RCAN2: variants seen among roughly 807,000 people sequenced by gnomAD.
RCAN2 encodes the protein regulator of calcineurin 2, also known as calcipressin-2.
In RCAN2, 9 loss-of-function variants were observed where a neutral mutation model predicts 23.6. That is an observed-to-expected ratio of 0.38 (90% CI 0.23 to 0.67). The LOEUF is 0.67. RCAN2 is among the 30% of genes least tolerant of loss of function. RCAN2 has a pLI of 0.51. For synonymous variants in RCAN2, 109 were observed against 115.7 expected, an observed-to-expected ratio of 0.94 and a Z score of 0.37; for missense variants, 273 against 302.3, an observed-to-expected ratio of 0.90 and a Z score of 0.72.
intron 2 of RCAN2, among the ~76,000 whole-genome samples, chr6:46,315,908 AAGAGACAAGAAAAGAGGTT>A (rs1763419535): frequency 2.0e-4 from 2 of 10,042 alleles, no homozygotes; most frequent in African/African-American, 4.6e-4. Context: ...AAGAGTTTGG[AAGAGACAAGAAAAGAGGTT>A]TGGAAGAGAC....
chr6:46,454,058 C>A (rs749730718), intron 2 of RCAN2, among the ~76,000 whole-genome samples: 32 of 152,126 alleles, frequency 2.1e-4, no homozygotes, highest in African/African-American at 3.4e-4. Context: ...TAGGCCAATA[C>A]AAGGAGTGCT....
At chr6:46,365,083 C>A (rs1452083608) in intron 2 of RCAN2, among the ~76,000 whole-genome samples, 1 of 152,102 alleles carries the variant, frequency 6.6e-6, no homozygotes, top group Non-Finnish European at 1.5e-5. Context: ...TCCCTCTGCC[C>A]AGCTTATTTT....
At chr6:46,289,963 T>C (rs1006742578) in intron 2 of RCAN2, among the ~76,000 whole-genome samples, 9 of 152,310 alleles carry the variant, frequency 5.9e-5, no homozygotes, top group African/African-American at 1.9e-4. Flanking sequence ...CTCTACTTCA[T>C]GTTTTTCATT....
intron 2 of RCAN2, among the ~76,000 whole-genome samples, chr6:46,312,779 C>T (rs1763305302): frequency 6.6e-6 from 1 of 152,190 alleles, no homozygotes; most frequent in African/African-American, 2.4e-5. Flanking sequence ...TTCACAAGCC[C>T]TCATCGGGTC....
intron 2 of RCAN2, among the ~76,000 whole-genome samples, chr6:46,376,413 G>T (rs555951186): frequency 6.6e-6 from 1 of 152,348 alleles, no homozygotes; most frequent in South Asian, 2.1e-4. Flanking sequence ...TGGGCTCTGT[G>T]GCTCACGCCT....
At chr6:46,301,582 G>A (rs1762904588) in intron 2 of RCAN2, among the ~76,000 whole-genome samples, 2 of 152,074 alleles carry the variant, frequency 1.3e-5, no homozygotes, top group South Asian at 4.1e-4. Context: ...GTTCCTTGTA[G>A]GCTTACACTC....
At chr6:46,311,866 C>T (rs1243112213) in intron 2 of RCAN2, among the ~76,000 whole-genome samples, 2 of 152,136 alleles carry the variant, frequency 1.3e-5, no homozygotes, top group African/African-American at 4.8e-5. Flanking sequence ...CCACCTTCCT[C>T]TTCTGTTTAT....
intron 2 of RCAN2, among the ~76,000 whole-genome samples, chr6:46,449,959 T>G (rs1767827806): frequency 1.3e-5 from 2 of 151,660 alleles, no homozygotes; most frequent in South Asian, 4.1e-4. Context: ...AAAGCAAAAA[T>G]AAATGGGATT....
chr6:46,319,604 T>A (rs1763545841), intron 2 of RCAN2, among the ~76,000 whole-genome samples: 1 of 152,224 alleles, frequency 6.6e-6, no homozygotes, highest in Non-Finnish European at 1.5e-5. Flanking sequence ...CCTCTGAACC[T>A]TCTCAGGGAG....
intron 2 of RCAN2, among the ~76,000 whole-genome samples, chr6:46,361,722 T>G (rs1173315870): frequency 6.6e-6 from 1 of 152,178 alleles, no homozygotes; most frequent in African/African-American, 2.4e-5. Context: ...AGTTTGAATT[T>G]TCTTGACCTC....
At chr6:46,410,025 C>A (rs1213297047) in intron 2 of RCAN2, among the ~76,000 whole-genome samples, 2 of 152,164 alleles carry the variant, frequency 1.3e-5, no homozygotes, top group African/African-American at 2.4e-5. Flanking sequence ...CTCTCTCTCT[C>A]TCTCCTGGAG....
intron 2 of RCAN2, among the ~76,000 whole-genome samples, chr6:46,250,002 A>G (rs527713793): frequency 6.6e-6 from 1 of 152,344 alleles, no homozygotes; most frequent in South Asian, 2.1e-4. Context: ...ACAAAGCAGT[A>G]ATTAAAAACT....
intron 2 of RCAN2, among the ~76,000 whole-genome samples, chr6:46,270,703 G>A (rs944583853): frequency 1.3e-5 from 2 of 152,188 alleles, no homozygotes; most frequent in Non-Finnish European, 2.9e-5. Flanking sequence ...GTGACTCCTC[G>A]TTTTATTCTC....
intron 1 of RCAN2, among the ~76,000 whole-genome samples, chr6:46,458,586 C>T (rs1362924220): frequency 6.6e-6 from 1 of 151,960 alleles, no homozygotes; most frequent in Non-Finnish European, 1.5e-5. Context: ...CAACAAAATA[C>T]TTATTTTAAA....
chr6:46,450,955 A>G (rs980489735), intron 2 of RCAN2, among the ~76,000 whole-genome samples: 2 of 152,080 alleles, frequency 1.3e-5, no homozygotes, highest in Non-Finnish European at 2.9e-5. Flanking sequence ...TATGGGAGGT[A>G]ATGTATATGT....
At chr6:46,473,119 C>T (rs190318322) in intron 1 of RCAN2, among the ~76,000 whole-genome samples, 14 of 152,320 alleles carry the variant, frequency 9.2e-5, no homozygotes, top group African/African-American at 3.1e-4. Flanking sequence ...TAGTTATATG[C>T]ATGTATGTCT....
At chr6:46,405,230 A>G (rs1012294905) in intron 2 of RCAN2, among the ~76,000 whole-genome samples, 1 of 152,170 alleles carries the variant, frequency 6.6e-6, no homozygotes, top group Non-Finnish European at 1.5e-5. Context: ...GTGAAGCTGC[A>G]GATCTTCACC....
intron 2 of RCAN2, among the ~76,000 whole-genome samples, chr6:46,292,866 T>G (rs1219522696): frequency 6.6e-6 from 1 of 152,156 alleles, no homozygotes; most frequent in East Asian, 1.9e-4. Flanking sequence ...ACGCTATCCC[T>G]CCCCTAGCCC....
chr6:46,380,506 A>G (rs1765592505), intron 2 of RCAN2, among the ~76,000 whole-genome samples: 1 of 152,222 alleles, frequency 6.6e-6, no homozygotes, highest in African/African-American at 2.4e-5. Flanking sequence ...ACCAGGGAAC[A>G]GGTGAGTAAA....
Sources: allele counts gnomAD v4.1 joint callset (sites outside exome capture counted in the v4.1 genomes callset), GRCh38; gene constraint gnomAD v4.1.1; transcripts MANE v1.5; gene names NCBI Gene and HGNC (gene_info 2026-07-23, HGNC 2026-07-21).